The following TSPAN5 variants were observed in gnomAD, a reference collection of about 807,000 sequenced individuals.
The protein encoded by TSPAN5 is tetraspanin-5.
A neutral mutation model predicts 37.1 loss-of-function variants in TSPAN5; 10 were observed. The observed-to-expected ratio is 0.27, with a 90% CI of 0.17 to 0.46. The LOEUF is 0.46. Ranked by LOEUF, TSPAN5 falls within the 20% of genes least tolerant of loss-of-function variation. TSPAN5 has a pLI of 1.00. For missense variants in TSPAN5, 195 were observed against 326.6 expected (o/e 0.60, Z 3.11); for synonymous variants, 110 against 118.9 (o/e 0.93, Z 0.48).
intron 1 of TSPAN5, among the ~76,000 whole-genome samples, chr4:98,514,581 A>C (rs1057274080): frequency 4.6e-5 from 7 of 152,154 alleles, no homozygotes; most frequent in African/African-American, 1.4e-4. Flanking sequence ...GATAAAGCTC[A>C]AACTGTAAAC....
chr4:98,476,008 A>T (rs1011428241), intron 7 of TSPAN5, among the ~76,000 whole-genome samples, 181 bp downstream of exon 7: 12 of 152,202 alleles, frequency 7.9e-5, no homozygotes, highest in Admixed American at 4.6e-4. Context: ...ATTAATAAAT[A>T]AAATAAATAA....
At chr4:98,493,197 T>G (rs1753123319) in intron 2 of TSPAN5, among the ~76,000 whole-genome samples, 1 of 152,094 alleles carries the variant, frequency 6.6e-6, no homozygotes, top group South Asian at 2.1e-4. Flanking sequence ...AAAACATAAA[T>G]AAGTAAATAA....
At chr4:98,533,517 G>A (rs1185285342) in intron 1 of TSPAN5, among the ~76,000 whole-genome samples, 3 of 126,142 alleles carry the variant, frequency 2.4e-5, no homozygotes, top group Admixed American at 1.7e-4. Flanking sequence ...GTACTTCTGC[G>A]GGATTGGTGG....
chr4:98,494,633 T>C (rs1753158970), intron 2 of TSPAN5, among the ~76,000 whole-genome samples: 1 of 151,926 alleles, frequency 6.6e-6, no homozygotes, highest in Non-Finnish European at 1.5e-5. Flanking sequence ...TAAAAGTATA[T>C]TGCCATAATC....
intron 2 of TSPAN5, among the ~76,000 whole-genome samples, chr4:98,504,436 C>T (rs1021652778): frequency 6.6e-6 from 1 of 152,212 alleles, no homozygotes; most frequent in Non-Finnish European, 1.5e-5. Context: ...AGGAGATCAA[C>T]ACACTTCACA....
chr4:98,579,983 A>C (rs1351795680), intron 1 of TSPAN5, among the ~76,000 whole-genome samples: 1 of 152,196 alleles, frequency 6.6e-6, no homozygotes, highest in Admixed American at 6.5e-5. Context: ...CATATATATG[A>C]CTATAATAGT....
At chr4:98,502,158 A>G (rs1230698799) in intron 2 of TSPAN5, among the ~76,000 whole-genome samples, 1 of 152,190 alleles carries the variant, frequency 6.6e-6, no homozygotes, top group South Asian at 2.1e-4. Context: ...TTGGGAGGGC[A>G]TGAGAATCAC....
chr4:98,501,193 A>G (rs1317984824), intron 2 of TSPAN5, among the ~76,000 whole-genome samples: 1 of 152,136 alleles, frequency 6.6e-6, no homozygotes, highest in Non-Finnish European at 1.5e-5. Flanking sequence ...GATATAGACA[A>G]TATATATATT....
At chr4:98,562,462 A>T (rs1179388272) in intron 1 of TSPAN5, among the ~76,000 whole-genome samples, 2 of 152,166 alleles carry the variant, frequency 1.3e-5, no homozygotes, top group African/African-American at 4.8e-5. Flanking sequence ...GGAGATCAAG[A>T]CCATCCTGTA....
At chr4:98,647,858 TTTTG>T (rs1387484870) in intron 1 of TSPAN5, among the ~76,000 whole-genome samples, 2 of 139,358 alleles carry the variant, frequency 1.4e-5, no homozygotes, top group African/African-American at 5.8e-5. Context: ...TTCTGTTTTG[TTTTG>T]TTTAAAAAAA....
intron 1 of TSPAN5, among the ~76,000 whole-genome samples, chr4:98,530,853 T>C (rs1028101791): frequency 1.3e-5 from 2 of 152,134 alleles, no homozygotes; most frequent in Admixed American, 1.3e-4. Flanking sequence ...GCCATCCTCC[T>C]GCTTCATCCT....
rs1752854637 is a variant in TSPAN5, at chr4:98,482,195, C to T, written c.280-20G>A. 6.2e-7 allele frequency: 1 copy of T among 1,611,630 alleles called. No individual in the cohort carries two copies. Among genetic ancestry groups the T allele is most frequent in the East Asian group, 2.2e-5 (1 of 44,844 alleles). On this transcript the variant is annotated intron_variant, in intron 3 of 7. Transcript: ENST00000305798. ...AGAAAACTAAGATAAAAGACACATACACAGAGAACAGTTATAAGGGCTATT... is the reference window on the plus strand; with the variant it reads ...AGAAAACTAAGATAAAAGACACATATACAGAGAACAGTTATAAGGGCTATT...
chr4:98,496,121 T>C (rs1753207259), intron 2 of TSPAN5, among the ~76,000 whole-genome samples: 1 of 152,138 alleles, frequency 6.6e-6, no homozygotes, highest in African/African-American at 2.4e-5. Context: ...AGGAATGACA[T>C]TTCAAAGAAA....
intron 1 of TSPAN5, among the ~76,000 whole-genome samples, chr4:98,648,558 T>C (rs551668248): frequency 1.3e-5 from 2 of 152,362 alleles, no homozygotes; most frequent in African/African-American, 2.4e-5. Flanking sequence ...CCAGAGGTTC[T>C]CTTTCAAGAG....
At chr4:98,569,471 T>G (rs1470263676) in intron 1 of TSPAN5, among the ~76,000 whole-genome samples, 1 of 152,018 alleles carries the variant, frequency 6.6e-6, no homozygotes, top group Non-Finnish European at 1.5e-5. Context: ...GACGTCCTAT[T>G]AGAAGGGATG....
chr4:98,489,538 G>T (rs1753041690), intron 2 of TSPAN5, among the ~76,000 whole-genome samples: 1 of 152,082 alleles, frequency 6.6e-6, no homozygotes, highest in African/African-American at 2.4e-5. Flanking sequence ...ACACTCTCTG[G>T]TCTGTGTTTG....
At chr4:98,529,872 G>T (rs1754043068) in intron 1 of TSPAN5, among the ~76,000 whole-genome samples, 1 of 152,130 alleles carries the variant, frequency 6.6e-6, no homozygotes, top group African/African-American at 2.4e-5. Flanking sequence ...TTGGCTTTGA[G>T]ACCAAAAACT....
chr4:98,498,357 G>A (rs7699755), intron 2 of TSPAN5, among the ~76,000 whole-genome samples: 3,410 of 152,260 alleles, frequency 0.022, 116 homozygotes, highest in African/African-American at 0.078. Context: ...CAGCTGGCAG[G>A]AGGATTCTTA....
At chr4:98,634,157 T>C (rs1412354156) in intron 1 of TSPAN5, among the ~76,000 whole-genome samples, 1 of 152,170 alleles carries the variant, frequency 6.6e-6, no homozygotes, top group Non-Finnish European at 1.5e-5. Flanking sequence ...GTTTATATCA[T>C]ACTCTCCATT....
Sources: allele counts gnomAD v4.1 joint callset (sites outside exome capture counted in the v4.1 genomes callset), GRCh38; gene constraint gnomAD v4.1.1; transcripts MANE v1.5; gene names NCBI Gene and HGNC (gene_info 2026-07-23, HGNC 2026-07-21).